EPHB2: variants seen among roughly 807,000 people sequenced by gnomAD.
The protein encoded by EPHB2 is ephrin type-B receptor 2.
A neutral mutation model predicts 96.4 loss-of-function variants in EPHB2; 18 were observed. The observed-to-expected ratio is 0.19, with a 90% CI of 0.13 to 0.28. The LOEUF (loss-of-function observed/expected upper bound fraction) is 0.28, where lower values mean the gene tolerates loss of function less well. Ranked by LOEUF, EPHB2 falls within the 10% of genes least tolerant of loss-of-function variation. The probability of loss-of-function intolerance (pLI) is 1.00; values close to 1 mark genes in which losing one functional copy is unlikely to be tolerated. For synonymous variants in EPHB2, 506 were observed against 534.1 expected (o/e 0.95, Z 0.72); for missense variants, 989 against 1,355.4 (o/e 0.73, Z 4.25).
At position 22,804,380 on chromosome 1, in the gene EPHB2, C is replaced by T. The variant is rs190344090; in HGVS notation, c.811+19304C>T. Among the ~76,000 whole-genome samples the T allele has an allele frequency of 5.9e-3, 893 of 152,238 alleles. 16 individuals are homozygous for T. The highest frequency in any genetic ancestry group is 0.02 in the African/African-American group (836 of 41,516). On this transcript the variant is annotated intron_variant, in intron 3 of 15. Coordinates refer to ENST00000374630, the MANE Select transcript of EPHB2 (RefSeq NM_017449.5). ...TCTGCACCACCCCCCATCCTGCCAG[C>T]GAAGGCTGTATTAAATATGAATTAA...
At chr1:22,794,772 G>T (rs987054999) in intron 3 of EPHB2, among the ~76,000 whole-genome samples, 1 of 152,094 alleles carries the variant, frequency 6.6e-6, no homozygotes, top group Admixed American at 6.5e-5. Context: ...GTCCTCTCTC[G>T]GCCCCAGACT....
At chr1:22,763,890 C>T (rs1644269712) in intron 1 of EPHB2, among the ~76,000 whole-genome samples, 2 of 152,156 alleles carry the variant, frequency 1.3e-5, no homozygotes. Flanking sequence ...CATCCCAGAG[C>T]TTGTGGCTCC....
chr1:22,795,938 T>C (rs912673986), intron 3 of EPHB2, among the ~76,000 whole-genome samples: 5 of 152,166 alleles, frequency 3.3e-5, no homozygotes, highest in Admixed American at 2.6e-4. Context: ...GAGCCACGTG[T>C]TCTCAGGTCT....
chr1:22,751,048 T>C (rs1242478822), intron 1 of EPHB2, among the ~76,000 whole-genome samples: 2 of 152,158 alleles, frequency 1.3e-5, no homozygotes, highest in African/African-American at 2.4e-5. Flanking sequence ...TCCATGAAAA[T>C]AGGTGAGCCA....
intron 1 of EPHB2, among the ~76,000 whole-genome samples, chr1:22,743,714 C>A (rs576127100): frequency 6.6e-6 from 1 of 152,322 alleles, no homozygotes; most frequent in South Asian, 2.1e-4. Context: ...CTCAAGTGAT[C>A]TCCTCACCTT....
In EPHB2 at chr1:22,863,202, A is replaced by G. The variant is rs778909458; in HGVS notation, c.967+10A>G. 1 of 1,614,118 alleles carries G rather than the reference A, an allele frequency of 6.2e-7. No homozygotes were observed. The highest frequency in any genetic ancestry group is 1.3e-5 in the African/African-American group (1 of 75,056). On this transcript the variant is annotated intron_variant, in intron 4 of 15. Transcript: ENST00000374630. ...GACATGCCCTGCACAAGTAAGTCCT[A>G]GGGCCCCTCAAGGGCGATGGCTGGC...
intron 1 of EPHB2, among the ~76,000 whole-genome samples, chr1:22,779,422 C>T (rs1289789708): frequency 2.0e-5 from 3 of 152,174 alleles, no homozygotes; most frequent in Non-Finnish European, 4.4e-5. Flanking sequence ...GACACTTCTG[C>T]ATCCTCTCTT....
intron 1 of EPHB2, among the ~76,000 whole-genome samples, chr1:22,752,929 G>C (rs150477875): frequency 2.6e-4 from 39 of 151,892 alleles, no homozygotes; most frequent in African/African-American, 9.4e-4. Flanking sequence ...GACTACAGGT[G>C]CATGCCATCA....
intron 1 of EPHB2, among the ~76,000 whole-genome samples, chr1:22,722,719 C>T (rs1643493926): frequency 6.6e-6 from 1 of 152,226 alleles, no homozygotes. Flanking sequence ...GAATGAAAAG[C>T]AGCGTGGTCT....
chr1:22,908,303 A>G (rs1639982440), intron 12 of EPHB2, 135 bp downstream of exon 12: 11 of 1,070,006 alleles, frequency 1.0e-5, no homozygotes, highest in Middle Eastern at 2.2e-4. Context: ...ACAGGAAGAC[A>G]GGAACCACAG....
At chr1:22,768,466 C>T (rs1436138452) in intron 1 of EPHB2, among the ~76,000 whole-genome samples, 1 of 152,092 alleles carries the variant, frequency 6.6e-6, no homozygotes, top group African/African-American at 2.4e-5. Context: ...GTGGGAGGAT[C>T]ACATGAGACC....
At chr1:22,725,100 A>G (rs950298078) in intron 1 of EPHB2, among the ~76,000 whole-genome samples, 3 of 152,062 alleles carry the variant, frequency 2.0e-5, no homozygotes, top group Non-Finnish European at 4.4e-5. Flanking sequence ...TGCCTAGGTT[A>G]TGCCATACCA....
At position 22,895,457 on chromosome 1, in the gene EPHB2, A is replaced by G. The variant is rs200377421; in HGVS notation, c.1592-15A>G. 8 of 1,612,990 alleles carry G rather than the reference A, an allele frequency of 5.0e-6. No individual in the cohort carries two copies. The African/African-American group carries it at 9.3e-5, about 19-fold the overall frequency. ...ACAGCCAGGCTGAGAATGCCCTACC[A>G]TGCTTTCTCCCCAGCCGAGTACCAG... On this transcript the variant is annotated splice_polypyrimidine_tract_variant and intron_variant, in intron 7 of 15. Transcript: ENST00000374630.
At chr1:22,741,013 C>T (rs1315213629) in intron 1 of EPHB2, among the ~76,000 whole-genome samples, 5 of 152,088 alleles carry the variant, frequency 3.3e-5, no homozygotes, top group African/African-American at 1.2e-4. Context: ...GACGATCCAG[C>T]TTATGTGCCC....
At chr1:22,892,293 T>C (rs949775900) in intron 6 of EPHB2, among the ~76,000 whole-genome samples, 2 of 152,202 alleles carry the variant, frequency 1.3e-5, no homozygotes, top group Non-Finnish European at 2.9e-5. Flanking sequence ...CTCCAAGAAC[T>C]CACAGTATAG....
rs367548936 is a variant in EPHB2 at position 22,908,121 on chromosome 1, C to T, written c.2305C>T (p.Arg769Cys). The T allele has an allele frequency of 6.2e-6, 10 of 1,614,126 alleles. No homozygotes were observed. The highest frequency in any genetic ancestry group is 3.3e-5 in the South Asian group (3 of 91,088). Residue 769 changes from arginine (R) to cysteine (C), a missense_variant, in exon 12 of 16, where the codon CGC (arginine) becomes TGC (cysteine). Transcript: ENST00000374630. The stretch of plus-strand genomic sequence containing the variant: ...CAAGGTGTCGGACTTTGGGCTCTCA[C>T]GCTTTCTAGAGGACGATACCTCAGA... ...VCKVSDFGLS[R>C]FLEDDTSDPT...
At chr1:22,850,368 C>G (rs564774267) in intron 3 of EPHB2, among the ~76,000 whole-genome samples, 2 of 152,324 alleles carry the variant, frequency 1.3e-5, no homozygotes, top group South Asian at 2.1e-4. Context: ...GGGACCCGCA[C>G]GTGGGGCGGT....
intron 3 of EPHB2, among the ~76,000 whole-genome samples, chr1:22,848,277 T>C (rs1332667300): frequency 6.6e-6 from 1 of 152,144 alleles, no homozygotes; most frequent in Non-Finnish European, 1.5e-5. Context: ...AGAACTCTGC[T>C]GTGTGCCCGT....
rs372492202 is a variant in EPHB2, at chr1:22,888,394, CT to C, written c.1429-4485del. On this transcript the variant is annotated intron_variant, in intron 6 of 15. Transcript: ENST00000374630. ...TGGTGGGAGCCAACATTTATTAAGT[CT>C]TTTTATGTGCTAGAGACTGTGCTAA... Among the ~76,000 whole-genome samples the C allele has an allele frequency of 9.2e-5, 14 of 152,276 alleles. No homozygotes were observed. The South Asian group carries it at 1.5e-3, about 16-fold the overall frequency.
Sources: gnomAD v4.1 joint callset for allele counts (sites outside exome capture counted in the v4.1 genomes callset) on GRCh38, gnomAD v4.1.1 for gene constraint, MANE v1.5 for transcripts, NCBI Gene and HGNC (gene_info 2026-07-23, HGNC 2026-07-21) for gene names.